CCDC148: variants seen among roughly 807,000 people sequenced by gnomAD.
CCDC148 encodes coiled-coil domain-containing protein 148.
Under a neutral mutation model 85.7 loss-of-function variants are expected in CCDC148, and 89 were observed. The ratio of observed to expected loss-of-function variants is 1.04; its 90% CI spans 0.87 to 1.24. The LOEUF is 1.24. Among genes scored for constraint, CCDC148 ranks in the 50% most tolerant of loss-of-function variants. The pLI is 0.00. For missense variants in CCDC148, 692 were observed against 671.7 expected, an observed-to-expected ratio of 1.03 and a Z score of -0.33; for synonymous variants, 230 against 213.9, an observed-to-expected ratio of 1.08 and a Z score of -0.66.
chr2:158,421,691 G>T (rs1481663124), intron 1 of CCDC148, among the ~76,000 whole-genome samples: 1 of 152,080 alleles, frequency 6.6e-6, no homozygotes, highest in East Asian at 1.9e-4. Flanking sequence ...CAAGAAGCAA[G>T]AGCAAACACA....
At chr2:158,353,709 G>C (rs948056474) in intron 2 of CCDC148, among the ~76,000 whole-genome samples, 4 of 152,130 alleles carry the variant, frequency 2.6e-5, no homozygotes, top group East Asian at 1.9e-4. Flanking sequence ...ATTGAACTCA[G>C]CTCTGCACCA....
chr2:158,302,966 C>CTTT (rs1474240368), intron 9 of CCDC148, among the ~76,000 whole-genome samples: 1 of 152,066 alleles, frequency 6.6e-6, no homozygotes, highest in Non-Finnish European at 1.5e-5. Flanking sequence ...TGCTTCCTCC[C>CTTT]TTTACTCTCA....
intron 7 of CCDC148, 23 bp downstream of exon 7, chr2:158,338,703 A>C: frequency 6.4e-7 from 1 of 1,560,696 alleles, no homozygotes; most frequent in African/African-American, 1.4e-5. Flanking sequence ...AAGTCTACAC[A>C]GGACTCAGTT....
At chr2:158,303,054 GAC>G (rs1407981342) in intron 9 of CCDC148, among the ~76,000 whole-genome samples, 5 of 152,038 alleles carry the variant, frequency 3.3e-5, no homozygotes, top group African/African-American at 1.2e-4. Context: ...ACAAAACAGA[GAC>G]AGAGAAAGAG....
At chr2:158,262,758 G>A (rs1424342154) in intron 9 of CCDC148, among the ~76,000 whole-genome samples, 7 of 151,808 alleles carry the variant, frequency 4.6e-5, no homozygotes, top group South Asian at 2.1e-4. Context: ...GGAGAAAGCC[G>A]CCCCCATGAT....
chr2:158,215,917 G>T (rs935795471), intron 11 of CCDC148, among the ~76,000 whole-genome samples: 1 of 152,056 alleles, frequency 6.6e-6, no homozygotes, highest in African/African-American at 2.4e-5. Context: ...CAGCAAGAAG[G>T]CCCCATTCTG....
chr2:158,295,321 C>G (rs1691128625), intron 9 of CCDC148, among the ~76,000 whole-genome samples: 1 of 152,132 alleles, frequency 6.6e-6, no homozygotes, highest in African/African-American at 2.4e-5. Context: ...ACCATTCCCT[C>G]TGAAACTATT....
rs143278257 is a variant in CCDC148 at position 158,453,634 on chromosome 2, C to T, written c.25+2781G>A. 2.2e-4 allele frequency among the ~76,000 whole-genome samples: 34 copies of T among 152,330 alleles called. No individual in the cohort carries two copies. In the East Asian group the frequency reaches 4.4e-3, roughly 20 times the overall value. Reference sequence around the variant, plus strand: ...CCCAGGTATGACAAGAGACTCAGTGCTCCTGCTTCCTCCTATTCCTTGCTG... The same window carrying T: ...CCCAGGTATGACAAGAGACTCAGTGTTCCTGCTTCCTCCTATTCCTTGCTG... On this transcript the variant is annotated intron_variant, in intron 1 of 13. Coordinates refer to ENST00000283233, the MANE Select transcript of CCDC148 (RefSeq NM_138803.4).
At chr2:158,209,109 AATAAAC>A (rs1282159361) in intron 11 of CCDC148, among the ~76,000 whole-genome samples, 1 of 147,920 alleles carries the variant, frequency 6.8e-6, no homozygotes, top group Non-Finnish European at 1.5e-5. Flanking sequence ...TATATATATA[AATAAAC>A]ATAAACATAT....
At chr2:158,220,877 A>G (rs1000743983) in intron 10 of CCDC148, among the ~76,000 whole-genome samples, 164 bp from the exon 11 acceptor site, 1 of 152,240 alleles carries the variant, frequency 6.6e-6, no homozygotes, top group Non-Finnish European at 1.5e-5. Context: ...CAACAGAAAA[A>G]TAAATTAAAA....
chr2:158,217,424 A>G (rs1003216816), intron 11 of CCDC148, among the ~76,000 whole-genome samples: 3 of 148,526 alleles, frequency 2.0e-5, no homozygotes, highest in African/African-American at 7.4e-5. Flanking sequence ...TTTTTTTGAG[A>G]TGGCGTCTCG....
Position 158,399,883 on chromosome 2 carries a change from A to T in CCDC148, c.26-41313T>A, listed in dbSNP as rs182536586. Among the ~76,000 whole-genome samples the T allele has an allele frequency of 5.1e-3, 771 of 151,152 alleles. 13 individuals carry two copies. The highest frequency in any genetic ancestry group is 0.03 in the Admixed American group (453 of 15,178). ...TTGTATATTTGCAAAACCCCATCAT[A>T]TCACAAGCATTCCTATACACAACAT... On this transcript the variant is annotated intron_variant, in intron 1 of 13. Coordinates refer to ENST00000283233, the MANE Select transcript of CCDC148 (RefSeq NM_138803.4).
At position 158,395,601 on chromosome 2, in the gene CCDC148, A is replaced by G. The variant is rs186649337; in HGVS notation, c.26-37031T>C. On this transcript the variant is annotated intron_variant, in intron 1 of 13. Coordinates refer to ENST00000283233, the MANE Select transcript of CCDC148 (RefSeq NM_138803.4). Reference sequence around the variant, plus strand: ...GAGGAATCTCCTTGTTGAAACTGAAAGTCATGCTGAACAACATGGACAGCC... The same window carrying G: ...GAGGAATCTCCTTGTTGAAACTGAAGGTCATGCTGAACAACATGGACAGCC... Among the ~76,000 whole-genome samples the G allele has an allele frequency of 5.9e-5, 9 of 152,270 alleles. No homozygotes were observed. The East Asian group carries it at 1.7e-3, about 29-fold the overall frequency.
intron 9 of CCDC148, among the ~76,000 whole-genome samples, chr2:158,307,131 T>C (rs947509527): frequency 2.0e-5 from 3 of 151,886 alleles, no homozygotes; most frequent in Admixed American, 6.6e-5. Flanking sequence ...AAAGATGCCA[T>C]TAAGAGAAGT....
intron 1 of CCDC148, among the ~76,000 whole-genome samples, chr2:158,367,246 C>A (rs991974505): frequency 3.3e-5 from 5 of 152,270 alleles, no homozygotes; most frequent in Middle Eastern, 3.4e-3. Context: ...AAGTACCAGG[C>A]AAAGCACGCC....
At position 158,313,836 on chromosome 2, in the gene CCDC148, G is replaced by A. The variant is rs760626066; in HGVS notation, c.823C>T (p.Pro275Ser). 2 of 1,613,850 alleles carry A rather than the reference G, an allele frequency of 1.2e-6. No individual in the cohort carries two copies. Among genetic ancestry groups the A allele is most frequent in the Non-Finnish European group, 8.5e-7 (1 of 1,179,908 alleles). Reference sequence around the variant, plus strand: ...GTCCTTCTTCCAAAGAGATCTCCAGGGTACTGATCCAAAATAGCCTGGTAA... The same window carrying A: ...GTCCTTCTTCCAAAGAGATCTCCAGAGTACTGATCCAAAATAGCCTGGTAA... ...WIYQAILDQY[P>S]GDLFGRRTLY... Residue 275 changes from proline to serine, a missense_variant, in exon 8 of 14, where the codon CCT becomes TCT. Physicochemically the swap from Pro to Ser is moderately conservative, Grantham distance 74 (BLOSUM62 -1). Transcript: ENST00000283233.
chr2:158,349,626 T>A (rs1355533674), intron 2 of CCDC148, among the ~76,000 whole-genome samples: 1 of 152,034 alleles, frequency 6.6e-6, no homozygotes, highest in Non-Finnish European at 1.5e-5. Context: ...TATTTGGCAA[T>A]TGTTCACAAC....
At chr2:158,347,570 G>C (rs923482617) in intron 2 of CCDC148, among the ~76,000 whole-genome samples, 1 of 152,092 alleles carries the variant, frequency 6.6e-6, no homozygotes, top group Non-Finnish European at 1.5e-5. Flanking sequence ...TCAATACTTA[G>C]GGTGGATGAT....
chr2:158,285,696 A>G (rs62182655), intron 9 of CCDC148, among the ~76,000 whole-genome samples: 1 of 151,092 alleles, frequency 6.6e-6, no homozygotes, highest in Non-Finnish European at 1.5e-5. Flanking sequence ...ACGCCCGGCT[A>G]ATTTTTTTTT....
Sources: allele counts gnomAD v4.1 joint callset (sites outside exome capture counted in the v4.1 genomes callset), GRCh38; gene constraint gnomAD v4.1.1; transcripts MANE v1.5; gene names NCBI Gene and HGNC (gene_info 2026-07-23, HGNC 2026-07-21).